Variants in ADAMTSL3 observed in about 807,000 individuals in gnomAD.
The protein encoded by ADAMTSL3 is ADAMTS-like protein 3.
In ADAMTSL3, 128 loss-of-function variants were observed where a neutral mutation model predicts 201.7. The observed-to-expected ratio is 0.63, with a 90% CI of 0.55 to 0.73. The LOEUF (loss-of-function observed/expected upper bound fraction) is 0.73, where lower values mean the gene tolerates loss of function less well. Ranked by LOEUF, ADAMTSL3 falls within the 30% of genes least tolerant of loss-of-function variation. The pLI is 0.00. For synonymous variants in ADAMTSL3, 738 were observed against 748.4 expected (o/e 0.99, Z 0.23); for missense variants, 1,990 against 2,119.6 (o/e 0.94, Z 1.20).
intron 6 of ADAMTSL3, among the ~76,000 whole-genome samples, chr15:83,825,907 A>C (rs1441717369): frequency 6.6e-6 from 1 of 152,084 alleles, no homozygotes; most frequent in Non-Finnish European, 1.5e-5. Context: ...CTTATTCTGA[A>C]AGTAGAGAGA....
intron 7 of ADAMTSL3, among the ~76,000 whole-genome samples, chr15:83,839,798 G>T (rs1313989727): frequency 2.0e-5 from 3 of 152,090 alleles, no homozygotes; most frequent in African/African-American, 7.2e-5. Context: ...CAGCTCGGTG[G>T]ACATGTTTGC....
intron 4 of ADAMTSL3, among the ~76,000 whole-genome samples, chr15:83,797,865 T>C (rs1383893313): frequency 6.6e-6 from 1 of 152,124 alleles, no homozygotes; most frequent in Non-Finnish European, 1.5e-5. Context: ...AACATGGTGG[T>C]TTAAGATTGC....
chr15:83,969,909 CAAAA>C (rs1025735810), intron 19 of ADAMTSL3, among the ~76,000 whole-genome samples: 7 of 152,104 alleles, frequency 4.6e-5, no homozygotes, highest in African/African-American at 1.4e-4. Flanking sequence ...ATAAACAAAA[CAAAA>C]CAAACAGGCA....
At chr15:83,658,892 A>G (rs1338621248) in intron 2 of ADAMTSL3, among the ~76,000 whole-genome samples, 1 of 152,202 alleles carries the variant, frequency 6.6e-6, no homozygotes, top group African/African-American at 2.4e-5. Flanking sequence ...CCATGAGAAG[A>G]ATAAACAGCC....
intron 2 of ADAMTSL3, among the ~76,000 whole-genome samples, chr15:83,703,523 T>C (rs146952009): frequency 3.6e-4 from 55 of 152,280 alleles, no homozygotes; most frequent in African/African-American, 1.3e-3. Context: ...TCCCCCATAC[T>C]GTTCTCGTGA....
At chr15:83,748,379 G>A (rs143179725) in intron 3 of ADAMTSL3, among the ~76,000 whole-genome samples, 1 of 152,260 alleles carries the variant, frequency 6.6e-6, no homozygotes, top group African/African-American at 2.4e-5. Flanking sequence ...TGGGCATGGT[G>A]GCTCATGCCT....
At chr15:84,020,256 C>T (rs2068174111) in intron 25 of ADAMTSL3, among the ~76,000 whole-genome samples, 1 of 122,062 alleles carries the variant, frequency 8.2e-6, no homozygotes, top group Non-Finnish European at 1.8e-5. Context: ...GAGTCAGACA[C>T]ACTTGGGATC....
At chr15:83,959,435 G>T (rs2066917217) in intron 19 of ADAMTSL3, among the ~76,000 whole-genome samples, 1 of 152,064 alleles carries the variant, frequency 6.6e-6, no homozygotes, top group South Asian at 2.1e-4. Flanking sequence ...TCTACTAAAA[G>T]ATAAAAATAT....
intron 3 of ADAMTSL3, among the ~76,000 whole-genome samples, chr15:83,748,005 G>A (rs1162030817): frequency 6.6e-6 from 1 of 151,946 alleles, no homozygotes; most frequent in African/African-American, 2.4e-5. Context: ...GAGAGACCTT[G>A]TACAACATTC....
chr15:83,714,856 C>CT (rs2061987483), intron 3 of ADAMTSL3, among the ~76,000 whole-genome samples: 1 of 37,868 alleles, frequency 2.6e-5, no homozygotes, highest in South Asian at 2.7e-3. Context: ...CTCTTTCCCT[C>CT]CCTCCCTCCC....
chr15:83,842,793 G>A (rs1350439420), intron 7 of ADAMTSL3, among the ~76,000 whole-genome samples: 1 of 152,208 alleles, frequency 6.6e-6, no homozygotes, highest in African/African-American at 2.4e-5. Context: ...GAAGGCATGT[G>A]GATGAGGGGA....
At chr15:83,792,635 T>A (rs1423654409) in intron 4 of ADAMTSL3, among the ~76,000 whole-genome samples, 2 of 151,852 alleles carry the variant, frequency 1.3e-5, no homozygotes, top group Non-Finnish European at 2.9e-5. Context: ...GATACAAAAT[T>A]AGCCAGGCAT....
At chr15:83,659,102 C>T (rs578004611) in intron 2 of ADAMTSL3, among the ~76,000 whole-genome samples, 1 of 152,288 alleles carries the variant, frequency 6.6e-6, no homozygotes, top group South Asian at 2.1e-4. Flanking sequence ...GATTCTCTGG[C>T]AAATTCTGTC....
At chr15:83,711,742 C>T (rs2061936750) in intron 3 of ADAMTSL3, among the ~76,000 whole-genome samples, 2 of 152,160 alleles carry the variant, frequency 1.3e-5, no homozygotes, top group Non-Finnish European at 2.9e-5. Flanking sequence ...CACATGAACT[C>T]TGAATTTCAT....
At chr15:83,791,181 G>C (rs149106813) in intron 4 of ADAMTSL3, among the ~76,000 whole-genome samples, 1 of 152,108 alleles carries the variant, frequency 6.6e-6, no homozygotes, top group African/African-American at 2.4e-5. Context: ...TACAGATTCA[G>C]TGTAATCTCT....
At chr15:83,940,625 G>T (rs939279956) in intron 17 of ADAMTSL3, among the ~76,000 whole-genome samples, 1 of 152,052 alleles carries the variant, frequency 6.6e-6, no homozygotes, top group Non-Finnish European at 1.5e-5. Flanking sequence ...TGAATTTGTT[G>T]GTGACACAAA....
chr15:83,701,296 C>G (rs184753623), intron 2 of ADAMTSL3, among the ~76,000 whole-genome samples: 1 of 152,226 alleles, frequency 6.6e-6, no homozygotes, highest in Non-Finnish European at 1.5e-5. Flanking sequence ...CCTGGTAAAC[C>G]CTCTACCTCC....
intron 5 of ADAMTSL3, among the ~76,000 whole-genome samples, chr15:83,807,558 T>C (rs2063620265): frequency 6.6e-6 from 1 of 152,170 alleles, no homozygotes; most frequent in African/African-American, 2.4e-5. Context: ...CTATCCAAAG[T>C]GATATACAGA....
At chr15:83,748,783 A>G (rs1246648763) in intron 3 of ADAMTSL3, among the ~76,000 whole-genome samples, 1 of 152,232 alleles carries the variant, frequency 6.6e-6, no homozygotes, top group East Asian at 1.9e-4. Context: ...GAGGTGGTTC[A>G]TATTAATGTA....
Sources: gnomAD v4.1 joint callset for allele counts (sites outside exome capture counted in the v4.1 genomes callset) on GRCh38, gnomAD v4.1.1 for gene constraint, MANE v1.5 for transcripts, NCBI Gene and HGNC (gene_info 2026-07-23, HGNC 2026-07-21) for gene names.